The following MCTP1 variants were observed in gnomAD, a reference collection of about 807,000 sequenced individuals.
MCTP1 encodes the protein multiple C2 and transmembrane domain-containing protein 1.
MCTP1 carries 69 observed loss-of-function variants against 120.6 expected under a neutral mutation model. The ratio of observed to expected loss-of-function variants is 0.57; its 90% CI spans 0.47 to 0.70. MCTP1 has a LOEUF of 0.70. Among genes scored for constraint, MCTP1 ranks in the 30% least tolerant of loss-of-function variants. The probability of loss-of-function intolerance (pLI) is 0.00; values close to 1 mark genes in which losing one functional copy is unlikely to be tolerated. For missense variants in MCTP1, 1,203 were observed against 1,248.8 expected (o/e 0.96, Z 0.55); for synonymous variants, 529 against 493.1 (o/e 1.07, Z -0.96).
chr5:94,953,874 T>TATA lies in MCTP1; in HGVS notation c.839-516_839-514dup, dbSNP rs1561916634. Among the ~76,000 whole-genome samples, 83 of 118,934 alleles carry TATA rather than the reference T, an allele frequency of 7.0e-4. 21 individuals are homozygous for TATA. The highest frequency in any genetic ancestry group is 1.3e-3 in the South Asian group (5 of 3,988). 78.0% of individuals were successfully genotyped at this position (118,934 alleles called of 152,430 possible). On this transcript the variant is annotated intron_variant, in intron 2 of 22. Transcript: ENST00000515393. ...CTATATATATGCATATATATACAAATATATATGCATATATATACAAATATA... is the reference window on the plus strand; with the variant it reads ...CTATATATATGCATATATATACAAATATAATATATGCATATATATACAAATATA...
chr5:94,717,774 C>T (rs1383554527), intron 19 of MCTP1, among the ~76,000 whole-genome samples: 1 of 151,930 alleles, frequency 6.6e-6, no homozygotes, highest in East Asian at 1.9e-4. Context: ...TTCACAATTG[C>T]TACAAAGAGA....
chr5:95,031,855 T>C (rs143618104), intron 1 of MCTP1, among the ~76,000 whole-genome samples: 2 of 152,226 alleles, frequency 1.3e-5, no homozygotes, highest in African/African-American at 4.8e-5. Flanking sequence ...GCACATCTCA[T>C]GTGGAATGAC....
At chr5:95,252,210 C>A (rs968994387) in intron 1 of MCTP1, among the ~76,000 whole-genome samples, 1 of 152,058 alleles carries the variant, frequency 6.6e-6, no homozygotes, top group Non-Finnish European at 1.5e-5. Context: ...ATTGGGGTGA[C>A]CATGTGTGTT....
chr5:95,169,612 G>C (rs1746946320), intron 1 of MCTP1, among the ~76,000 whole-genome samples: 1 of 152,056 alleles, frequency 6.6e-6, no homozygotes, highest in Non-Finnish European at 1.5e-5. Flanking sequence ...ACTTCTTCCT[G>C]GTTTAGTCTT....
At chr5:95,215,605 C>CT (rs891813110) in intron 1 of MCTP1, among the ~76,000 whole-genome samples, 1 of 151,804 alleles carries the variant, frequency 6.6e-6, no homozygotes, top group Non-Finnish European at 1.5e-5. Flanking sequence ...CTATTTTTTG[C>CT]TTTTTTAGCC....
At chr5:94,909,118 A>C in intron 10 of MCTP1, 133 bp downstream of exon 10, 1 of 1,069,912 alleles carries the variant, frequency 9.3e-7, no homozygotes, top group Admixed American at 3.2e-5. Flanking sequence ...CAGTTCATCC[A>C]AGCATTGCCT....
chr5:94,718,622 G>A (rs1561522931), intron 19 of MCTP1, among the ~76,000 whole-genome samples: 1 of 151,858 alleles, frequency 6.6e-6, no homozygotes, highest in Non-Finnish European at 1.5e-5. Context: ...CTCTGACAAA[G>A]GTCTAATATC....
chr5:94,885,726 T>C (rs73136017), intron 12 of MCTP1, among the ~76,000 whole-genome samples: 11,088 of 151,968 alleles, frequency 0.073, 519 homozygotes, highest in African/African-American at 0.13. Context: ...TTTGATGGTG[T>C]GGAGAGACAT....
At chr5:94,881,531 C>T (rs1189514767) in intron 12 of MCTP1, among the ~76,000 whole-genome samples, 1 of 152,066 alleles carries the variant, frequency 6.6e-6, no homozygotes, top group African/African-American at 2.4e-5. Context: ...CTTCTTTTCT[C>T]CAGTACAAAT....
intron 6 of MCTP1, chr5:94,930,644 T>C (rs1814434437): frequency 6.6e-6 from 1 of 152,192 alleles, no homozygotes; most frequent in African/African-American, 2.4e-5. Context: ...CTAAGTATTA[T>C]ATAATATCCT....
intron 1 of MCTP1, among the ~76,000 whole-genome samples, chr5:95,139,980 A>G (rs540654344): frequency 6.6e-6 from 1 of 152,366 alleles, no homozygotes; most frequent in Admixed American, 6.5e-5. Flanking sequence ...CTTAAAGAGA[A>G]CTTGATGGTC....
intron 1 of MCTP1, among the ~76,000 whole-genome samples, chr5:95,018,577 G>T (rs981164139): frequency 6.6e-6 from 1 of 151,866 alleles, no homozygotes; most frequent in African/African-American, 2.4e-5. Context: ...AAAACAAGAG[G>T]CAGCACAGCT....
intron 19 of MCTP1, among the ~76,000 whole-genome samples, chr5:94,731,992 G>T (rs1205314276): frequency 6.6e-6 from 1 of 152,162 alleles, no homozygotes; most frequent in Non-Finnish European, 1.5e-5. Context: ...GTGATACCAG[G>T]TAGCATTACT....
chr5:94,814,306 A>T (rs2153077289), intron 17 of MCTP1, among the ~76,000 whole-genome samples: 1 of 152,326 alleles, frequency 6.6e-6, no homozygotes, highest in Admixed American at 6.5e-5. Context: ...ACTGAGAGAA[A>T]CTAGGCTGAG....
chr5:95,270,590 G>T (rs1422208366), intron 1 of MCTP1, among the ~76,000 whole-genome samples: 4 of 152,144 alleles, frequency 2.6e-5, no homozygotes, highest in Non-Finnish European at 2.9e-5. Context: ...GGTAGGCTGG[G>T]GAGGAACTCA....
At chr5:94,820,612 T>C (rs1785423611) in intron 17 of MCTP1, among the ~76,000 whole-genome samples, 3 of 152,220 alleles carry the variant, frequency 2.0e-5, no homozygotes, top group Middle Eastern at 3.4e-3. Flanking sequence ...TTTAAAAGAG[T>C]TGTCAACTAT....
chr5:95,066,416 C>A (rs1750675919), intron 1 of MCTP1, among the ~76,000 whole-genome samples: 1 of 152,108 alleles, frequency 6.6e-6, no homozygotes. Flanking sequence ...TAAATTAGCA[C>A]AGCCATTAGA....
At chr5:95,020,622 C>T (rs115630362) in intron 1 of MCTP1, among the ~76,000 whole-genome samples, 1,938 of 151,816 alleles carry the variant, frequency 0.013, 16 homozygotes, top group Middle Eastern at 0.027. Context: ...TCCTTTTTTC[C>T]CCTCTAATGA....
At chr5:95,012,216 C>T (rs1562014658) in intron 2 of MCTP1, among the ~76,000 whole-genome samples, 1 of 152,072 alleles carries the variant, frequency 6.6e-6, no homozygotes, top group South Asian at 2.1e-4. Flanking sequence ...ACCTGTTTAG[C>T]ACCACAGGGT....
Sources: gnomAD v4.1 joint callset for allele counts (sites outside exome capture counted in the v4.1 genomes callset) on GRCh38, gnomAD v4.1.1 for gene constraint, MANE v1.5 for transcripts, NCBI Gene and HGNC (gene_info 2026-07-23, HGNC 2026-07-21) for gene names.